Variants in TRMT10B observed in about 807,000 individuals in gnomAD.
TRMT10B encodes the protein tRNA methyltransferase 10 homolog B.
In TRMT10B, 33 loss-of-function variants were observed where a neutral mutation model predicts 43.8. That is an observed-to-expected ratio of 0.75 (90% CI 0.57 to 1.01). TRMT10B has a LOEUF of 1.01. Among genes scored for constraint, TRMT10B ranks in the 50% least tolerant of loss-of-function variants. The probability of loss-of-function intolerance (pLI) is 0.00; values close to 1 mark genes in which losing one functional copy is unlikely to be tolerated. For missense variants in TRMT10B, 362 were observed against 369.8 expected, an observed-to-expected ratio of 0.98 and a Z score of 0.17; for synonymous variants, 137 against 130.6, an observed-to-expected ratio of 1.05 and a Z score of -0.34.
At chr9:37,766,526 T>G (rs1827001510) in intron 4 of TRMT10B, among the ~76,000 whole-genome samples, 1 of 152,224 alleles carries the variant, frequency 6.6e-6, no homozygotes, top group South Asian at 2.1e-4. Flanking sequence ...GCCTCCAGCT[T>G]TGTTCTTTTG....
chr9:37,765,249 T>G (rs1174594730), intron 4 of TRMT10B, among the ~76,000 whole-genome samples: 1 of 152,056 alleles, frequency 6.6e-6, no homozygotes, highest in Non-Finnish European at 1.5e-5. Context: ...CTTCCCCCCG[T>G]CCCCCGACCC....
intron 5 of TRMT10B, 59 bp downstream of exon 5, chr9:37,768,287 G>T: frequency 3.3e-6 from 5 of 1,498,612 alleles, no homozygotes; most frequent in Non-Finnish European, 3.6e-6. Context: ...GTGGTTAATA[G>T]TATTTTTTTT....
At chr9:37,775,233 A>T (rs963995129) in intron 7 of TRMT10B, among the ~76,000 whole-genome samples, 1 of 152,232 alleles carries the variant, frequency 6.6e-6, no homozygotes, top group African/African-American at 2.4e-5. Flanking sequence ...CATAGAGAAC[A>T]GACAATGAAT....
chr9:37,774,805 G>GT (rs1367535427), intron 7 of TRMT10B, among the ~76,000 whole-genome samples: 1 of 152,160 alleles, frequency 6.6e-6, no homozygotes, highest in African/African-American at 2.4e-5. Context: ...ATTCCACCTG[G>GT]TTAGACCATA....
intron 7 of TRMT10B, among the ~76,000 whole-genome samples, chr9:37,773,770 G>A (rs1207674359): frequency 6.6e-6 from 1 of 151,982 alleles, no homozygotes; most frequent in Admixed American, 6.6e-5. Flanking sequence ...GGAGGCGGAG[G>A]TTGCAGTGAG....
intron 1 of TRMT10B, among the ~76,000 whole-genome samples, chr9:37,754,334 A>G (rs1028837201): frequency 3.3e-5 from 5 of 152,316 alleles, no homozygotes; most frequent in Admixed American, 2.0e-4. Context: ...TGTCTTAGGG[A>G]AGAGCATTGA....
chr9:37,768,019 G>C, intron 4 of TRMT10B, 57 bp from the exon 5 acceptor site: 1 of 1,597,672 alleles, frequency 6.3e-7, no homozygotes, highest in East Asian at 2.2e-5. Context: ...TTTCTTGATA[G>C]CTAATTTAGA....
chr9:37,763,795 G>A (rs765568784), intron 4 of TRMT10B, 42 bp downstream of exon 4: 1 of 1,612,552 alleles, frequency 6.2e-7, no homozygotes, highest in South Asian at 1.1e-5. Flanking sequence ...TCGCCATGAG[G>A]GAGGCCCAGA....
chr9:37,769,635 A>T (rs963913072), intron 5 of TRMT10B: 193 of 186,930 alleles, frequency 1.0e-3, no homozygotes, highest in Middle Eastern at 4.4e-3. Flanking sequence ...TTTTTTTTTT[A>T]AAGACAGGCT....
chr9:37,770,879 C>CCCT (rs1827503077), intron 7 of TRMT10B, 140 bp downstream of exon 7: 4 of 821,310 alleles, frequency 4.9e-6, no homozygotes, highest in Non-Finnish European at 5.4e-6. Context: ...ACCAGGTTGG[C>CCCT]CCTCTGGCTG....
chr9:37,773,956 T>A (rs1200045523), intron 7 of TRMT10B, among the ~76,000 whole-genome samples: 21 of 127,694 alleles, frequency 1.6e-4, no homozygotes, highest in East Asian at 2.3e-4. Context: ...ACCCTGTCTC[T>A]AAAAAAAAAA....
In TRMT10B at chr9:37,777,860, C is replaced by A; in HGVS notation, c.*153C>A. On this transcript the variant is annotated 3_prime_UTR_variant, in exon 9 of 9. Coordinates refer to ENST00000297994, the MANE Select transcript of TRMT10B (RefSeq NM_144964.4). ...TCTCTACTGAAAATACAAAAATTAG[C>A]CAGGTGTGGTGGCGCATACCTGTAG... 1.8e-6 allele frequency: 1 copy of A among 561,730 alleles called. No individual in the cohort carries two copies. Among genetic ancestry groups the A allele is most frequent in the South Asian group, 1.9e-5 (1 of 51,378 alleles). 34.8% of individuals were successfully genotyped at this position (561,730 alleles called of 1,614,324 possible).
chr9:37,754,018 A>G (rs529898514), intron 1 of TRMT10B, among the ~76,000 whole-genome samples, 166 bp downstream of exon 1: 1 of 152,292 alleles, frequency 6.6e-6, no homozygotes, highest in Non-Finnish European at 1.5e-5. Flanking sequence ...TTCCACTCGC[A>G]CGCTCAGCCT....
At chr9:37,759,554 A>G (rs1310619487) in intron 1 of TRMT10B, among the ~76,000 whole-genome samples, 1 of 152,246 alleles carries the variant, frequency 6.6e-6, no homozygotes, top group Non-Finnish European at 1.5e-5. Flanking sequence ...GTGGTGGCTC[A>G]CGCCTGTAAT....
chr9:37,769,499 C>T (rs1390090738), intron 5 of TRMT10B: 1 of 168,238 alleles, frequency 5.9e-6, no homozygotes, highest in Non-Finnish European at 1.3e-5. Flanking sequence ...ACTTTCCCTC[C>T]TAACTAGGTA....
At chr9:37,763,591 T>A in intron 3 of TRMT10B, 38 bp from the exon 4 acceptor site, 1 of 1,582,922 alleles carries the variant, frequency 6.3e-7, no homozygotes, top group Non-Finnish European at 8.7e-7. Context: ...ATTCCTCTGG[T>A]TTTCCACTTT....
rs1828408552 is a variant in TRMT10B, at chr9:37,778,421, A to AGG, written c.*715_*716dup. On this transcript the variant is annotated 3_prime_UTR_variant, in exon 9 of 9. Coordinates refer to ENST00000297994, the MANE Select transcript of TRMT10B (RefSeq NM_144964.4). ...TCTCAGCTACTCAGGAGGCTGAGGC[A>AGG]GGAGAATCGCCTGAACCCGGGCGGC... 6.6e-6 allele frequency: 1 copy of AGG among 152,152 alleles called. No individual in the cohort carries two copies. Among genetic ancestry groups the AGG allele is most frequent in the African/African-American group, 2.4e-5 (1 of 41,416 alleles). 9.4% of individuals were successfully genotyped at this position (152,152 alleles called of 1,614,324 possible).
rs1409356819 is a variant in TRMT10B, at chr9:37,760,436, G to C, written c.-29-1467G>C. On this transcript the variant is annotated intron_variant, in intron 1 of 8. Transcript: ENST00000297994. The stretch of plus-strand genomic sequence containing the variant: ...GCTACATGGGAGGCTGAGGCGGGAG[G>C]ATTGCTTGAGCAGGTTGAGGCTGTA... Among the ~76,000 whole-genome samples, 4 of 152,222 alleles carry C rather than the reference G, an allele frequency of 2.6e-5. No homozygotes were observed. In the East Asian group the frequency reaches 7.7e-4, roughly 29 times the overall value.
Position 37,761,930 on chromosome 9 carries a change from C to T in TRMT10B, c.-2C>T. 6.2e-7 allele frequency: 1 copy of T among 1,612,132 alleles called. No individual in the cohort carries two copies. The highest frequency in any genetic ancestry group is 8.5e-7 in the Non-Finnish European group (1 of 1,178,654). ...TGGTGGAAAGGACAGAGGACTAAGTCCATGGACTGGAAATTGGAAGGGAGT... is the reference window on the plus strand; with the variant it reads ...TGGTGGAAAGGACAGAGGACTAAGTTCATGGACTGGAAATTGGAAGGGAGT... On this transcript the variant is annotated 5_prime_UTR_variant, in exon 2 of 9. Transcript: ENST00000297994.
Sources: gnomAD v4.1 joint callset for allele counts (sites outside exome capture counted in the v4.1 genomes callset) on GRCh38, gnomAD v4.1.1 for gene constraint, MANE v1.5 for transcripts, NCBI Gene and HGNC (gene_info 2026-07-23, HGNC 2026-07-21) for gene names.